Variants in LTBP1 observed in about 807,000 individuals in gnomAD.
The protein encoded by LTBP1 is latent transforming growth factor beta binding protein 1, also known as latent-transforming growth factor beta-binding protein 1.
LTBP1 carries 129 observed loss-of-function variants against 207.6 expected under a neutral mutation model. The ratio of observed to expected loss-of-function variants is 0.62; its 90% confidence interval spans 0.54 to 0.72. The LOEUF (loss-of-function observed/expected upper bound fraction) is 0.72. Among genes scored for constraint, LTBP1 ranks in the 30% least tolerant of loss-of-function variants. The probability of loss-of-function intolerance (pLI) is 0.00; values close to 1 mark genes in which losing one functional copy is unlikely to be tolerated. For missense variants in LTBP1, 2,281 were observed against 2,217.2 expected (o/e 1.03, Z -0.58); for synonymous variants, 963 against 833.7 (o/e 1.16, Z -2.67).
rs562139646 is a variant in LTBP1, at chr2:33,171,295, A to G, written c.1202-15561A>G. Among the ~76,000 whole-genome samples the G allele has an allele frequency of 2.3e-4, 31 of 134,982 alleles. 1 individual carries two copies. The East Asian group carries it at 2.9e-3, about 13-fold the overall frequency. 88.6% of individuals were successfully genotyped at this position (134,982 alleles called of 152,430 possible). On this transcript the variant is annotated intron_variant, in intron 5 of 33. Transcript: ENST00000404816. ...GACGAATGTATAACTAGAATAACCA[A>G]TACAGAGAAGTGCTTAAAGGAGCTG...
In LTBP1 at chr2:33,360,574, TCTA is replaced by T. The variant is rs1389618386; in HGVS notation, c.4001-20_4001-18del. The T allele has an allele frequency of 1.3e-6, 2 of 1,556,648 alleles. No individual in the cohort carries two copies. Among genetic ancestry groups the T allele is most frequent in the Non-Finnish European group, 1.8e-6 (2 of 1,128,256 alleles). On this transcript the variant is annotated intron_variant, in intron 26 of 33. Transcript: ENST00000404816. ...TAGTTCTGATGTGTCCTATTGTCACTCTACTTTCTCTACTCCATTTAGATTTAG... is the reference window on the plus strand; with the variant it reads ...TAGTTCTGATGTGTCCTATTGTCACTCTTTCTCTACTCCATTTAGATTTAG...
intron 3 of LTBP1, among the ~76,000 whole-genome samples, chr2:33,064,527 C>T (rs2077414955): frequency 6.6e-6 from 1 of 152,102 alleles, no homozygotes; most frequent in Admixed American, 6.5e-5. Context: ...TAGCCCAGGT[C>T]GATGTTACTC....
chr2:32,959,622 T>TGTATA (rs1491492410), intron 2 of LTBP1, among the ~76,000 whole-genome samples: 1 of 39,490 alleles, frequency 2.5e-5, no homozygotes, highest in Non-Finnish European at 5.0e-5. Flanking sequence ...TATATATATA[T>TGTATA]TTTTTTTTTT....
chr2:33,045,737 A>G (rs1006728908), intron 3 of LTBP1, among the ~76,000 whole-genome samples: 8 of 152,134 alleles, frequency 5.3e-5, no homozygotes, highest in Admixed American at 5.2e-4. Flanking sequence ...GATTCTTCCT[A>G]TCCATGAGCA....
At chr2:33,308,413 G>C (rs1336187051) in intron 22 of LTBP1, among the ~76,000 whole-genome samples, 1 of 152,122 alleles carries the variant, frequency 6.6e-6, no homozygotes, top group Non-Finnish European at 1.5e-5. Flanking sequence ...TGCTGAATAA[G>C]TGACTTAAAC....
chr2:33,195,706 G>C (rs150829610), intron 7 of LTBP1, among the ~76,000 whole-genome samples: 1 of 152,200 alleles, frequency 6.6e-6, no homozygotes, highest in Non-Finnish European at 1.5e-5. Context: ...AATTGATAAA[G>C]CATTAGCAGG....
At chr2:33,150,216 T>A (rs1188140261) in intron 5 of LTBP1, among the ~76,000 whole-genome samples, 1 of 152,202 alleles carries the variant, frequency 6.6e-6, no homozygotes, top group East Asian at 1.9e-4. Context: ...TATGTTTTGG[T>A]CATCTTGCCT....
At chr2:33,249,076 A>C (rs2092598211) in intron 10 of LTBP1, among the ~76,000 whole-genome samples, 1 of 152,150 alleles carries the variant, frequency 6.6e-6, no homozygotes, top group South Asian at 2.1e-4. Context: ...AGAAATGATT[A>C]AGGATATTAC....
chr2:33,185,269 G>GA (rs758202774), intron 5 of LTBP1, among the ~76,000 whole-genome samples: 2 of 152,284 alleles, frequency 1.3e-5, no homozygotes, highest in Non-Finnish European at 2.9e-5. Flanking sequence ...CAGGAGGGAG[G>GA]ACTTCCAGGA....
intron 20 of LTBP1, among the ~76,000 whole-genome samples, chr2:33,296,714 A>G (rs1219769768): frequency 6.6e-6 from 1 of 152,132 alleles, no homozygotes; most frequent in South Asian, 2.1e-4. Flanking sequence ...TATAATGTCT[A>G]AAGTCTAGTA....
chr2:33,387,536 G>A (rs1481263949), intron 31 of LTBP1, among the ~76,000 whole-genome samples: 4 of 152,236 alleles, frequency 2.6e-5, no homozygotes, highest in Non-Finnish European at 5.9e-5. Context: ...TTAGACAGGG[G>A]CAGCCAGAAT....
chr2:33,218,212 T>C (rs2090857420), intron 8 of LTBP1, among the ~76,000 whole-genome samples: 2 of 152,228 alleles, frequency 1.3e-5, no homozygotes, highest in African/African-American at 4.8e-5. Flanking sequence ...GGTTTTATGC[T>C]GTCACAGACC....
intron 9 of LTBP1, among the ~76,000 whole-genome samples, chr2:33,231,099 T>G (rs1044751074): frequency 6.6e-6 from 1 of 152,220 alleles, no homozygotes; most frequent in Non-Finnish European, 1.5e-5. Flanking sequence ...GGGTAAGACA[T>G]TGTTCCTGCC....
At chr2:33,071,590 A>G (rs1424547409) in intron 3 of LTBP1, among the ~76,000 whole-genome samples, 1 of 152,158 alleles carries the variant, frequency 6.6e-6, no homozygotes, top group African/African-American at 2.4e-5. Context: ...GGTGTGGTCC[A>G]CAAGCTAATG....
At chr2:33,276,505 T>A (rs2093429099) in intron 18 of LTBP1, among the ~76,000 whole-genome samples, 1 of 152,246 alleles carries the variant, frequency 6.6e-6, no homozygotes, top group South Asian at 2.1e-4. Flanking sequence ...TTATTATCCT[T>A]TTCATATTTC....
At chr2:33,151,411 T>C (rs2083510895) in intron 5 of LTBP1, among the ~76,000 whole-genome samples, 1 of 152,192 alleles carries the variant, frequency 6.6e-6, no homozygotes, top group Non-Finnish European at 1.5e-5. Flanking sequence ...TTGACAACAC[T>C]TATTTTCCCA....
At position 33,205,258 on chromosome 2, in the gene LTBP1, T is replaced by C. The variant is rs533497401; in HGVS notation, c.1702-12294T>C. On this transcript the variant is annotated intron_variant, in intron 7 of 33. Transcript: ENST00000404816. ...CTTCTCTCTGTTCCTTAAATCTTTA[T>C]TGCATTTAGAATCTAATCAGACAAT... Among the ~76,000 whole-genome samples the C allele has an allele frequency of 3.3e-5, 5 of 152,386 alleles. No homozygotes were observed. The East Asian group carries it at 9.6e-4, about 29-fold the overall frequency.
chr2:33,392,474 C>A (rs1460842154), intron 32 of LTBP1, among the ~76,000 whole-genome samples: 1 of 152,110 alleles, frequency 6.6e-6, no homozygotes, highest in Non-Finnish European at 1.5e-5. Flanking sequence ...TGTGAGACAC[C>A]GCACCGAGCC....
intron 3 of LTBP1, among the ~76,000 whole-genome samples, chr2:33,081,130 A>G (rs1020178861): frequency 1.4e-4 from 2 of 13,838 alleles, no homozygotes; most frequent in African/African-American, 1.8e-4. Flanking sequence ...GGAACTTAGC[A>G]AAGCCCCTTT....
Sources: allele counts gnomAD v4.1 joint callset (sites outside exome capture counted in the v4.1 genomes callset), GRCh38; gene constraint gnomAD v4.1.1; transcripts MANE v1.5; gene names NCBI Gene and HGNC (gene_info 2026-07-23, HGNC 2026-07-21).